GPR176: variants seen among roughly 807,000 people sequenced by gnomAD.
The protein encoded by GPR176 is G-protein coupled receptor 176.
In GPR176, 26 loss-of-function variants were observed where a neutral mutation model predicts 35.4. That is an observed-to-expected ratio of 0.74 (90% CI 0.54 to 1.02). The LOEUF (loss-of-function observed/expected upper bound fraction) is 1.02. Ranked by LOEUF, GPR176 falls within the 50% of genes least tolerant of loss-of-function variation. The probability of loss-of-function intolerance (pLI) is 0.00; values close to 1 mark genes in which losing one functional copy is unlikely to be tolerated. For missense variants in GPR176, 597 were observed against 665.3 expected, an observed-to-expected ratio of 0.90 and a Z score of 1.13; for synonymous variants, 278 against 271.3, an observed-to-expected ratio of 1.02 and a Z score of -0.24.
chr15:39,825,687 C>A (rs1265788831), intron 1 of GPR176, among the ~76,000 whole-genome samples: 4 of 151,960 alleles, frequency 2.6e-5, no homozygotes, highest in African/African-American at 7.3e-5. Context: ...GTTTTTATAT[C>A]TGTGATATTG....
chr15:39,806,697 T>A (rs137953053), intron 2 of GPR176, among the ~76,000 whole-genome samples: 2 of 152,270 alleles, frequency 1.3e-5, no homozygotes, highest in East Asian at 3.9e-4. Context: ...CTACTGCAAA[T>A]TGCAACACAA....
chr15:39,868,813 C>T (rs985793741), intron 1 of GPR176, among the ~76,000 whole-genome samples: 2 of 152,070 alleles, frequency 1.3e-5, no homozygotes, highest in African/African-American at 2.4e-5. Flanking sequence ...TGTGCCCATA[C>T]GAAGGGGCAG....
In GPR176 at chr15:39,799,800, G is replaced by C. The variant is rs975724531; in HGVS notation, c.*1332C>G. ...ATTCAACCTGGTGAAATCCACCCCA[G>C]AGGGGTCCCAAATTGCTTGTGAGGC... On this transcript the variant is annotated 3_prime_UTR_variant, in exon 3 of 3. Transcript: ENST00000561100. 23 of 152,288 alleles carry C rather than the reference G, an allele frequency of 1.5e-4. No individual in the cohort carries two copies. The highest frequency in any genetic ancestry group is 5.1e-4 in the African/African-American group (21 of 41,458). The allele number at this position is 152,288 out of a possible 1,614,324, so 9.4% of individuals were successfully genotyped here. A position where few individuals can be genotyped will look rare whatever the true frequency, so the allele number is the denominator to read the frequency against.
chr15:39,808,266 C>T (rs1268940586), intron 1 of GPR176, among the ~76,000 whole-genome samples: 1 of 152,174 alleles, frequency 6.6e-6, no homozygotes, highest in African/African-American at 2.4e-5. Context: ...CTCTCAATCC[C>T]CACCATGTTC....
intron 1 of GPR176, among the ~76,000 whole-genome samples, chr15:39,893,952 C>CA (rs2032984602): frequency 1.3e-5 from 1 of 79,322 alleles, no homozygotes; most frequent in Non-Finnish European, 2.5e-5. Flanking sequence ...GCTGGCCGGG[C>CA]GGGGGGCTGA....
chr15:39,854,071 C>A (rs905383213), intron 1 of GPR176, among the ~76,000 whole-genome samples: 8 of 151,956 alleles, frequency 5.3e-5, no homozygotes, highest in African/African-American at 1.9e-4. Context: ...CACCAGGAAA[C>A]TATTGAGGGA....
chr15:39,849,967 T>C (rs1456174874), intron 1 of GPR176, among the ~76,000 whole-genome samples: 1 of 73,034 alleles, frequency 1.4e-5, no homozygotes, highest in Non-Finnish European at 3.0e-5. Flanking sequence ...AGGATGTCAC[T>C]GTACTGAATA....
chr15:39,820,243 C>G (rs914812221), intron 1 of GPR176, among the ~76,000 whole-genome samples: 7 of 152,088 alleles, frequency 4.6e-5, no homozygotes, highest in African/African-American at 1.7e-4. Flanking sequence ...TAGCCAGATC[C>G]AGGACGAGGC....
chr15:39,835,781 A>G (rs896955983), intron 1 of GPR176, among the ~76,000 whole-genome samples: 1 of 152,142 alleles, frequency 6.6e-6, no homozygotes, highest in Non-Finnish European at 1.5e-5. Flanking sequence ...TATTCTGGAA[A>G]ACAATGTGTC....
chr15:39,847,010 A>G (rs2030477207), intron 1 of GPR176, among the ~76,000 whole-genome samples: 1 of 152,206 alleles, frequency 6.6e-6, no homozygotes, highest in Non-Finnish European at 1.5e-5. Context: ...AACTGGAAAG[A>G]GTAAAGGGAC....
At chr15:39,881,036 C>A (rs2032455130) in intron 1 of GPR176, among the ~76,000 whole-genome samples, 1 of 152,144 alleles carries the variant, frequency 6.6e-6, no homozygotes, top group South Asian at 2.1e-4. Context: ...GCTTCCTAAC[C>A]AGCCAGTTCC....
At chr15:39,913,773 G>A (rs911477252) in intron 1 of GPR176, among the ~76,000 whole-genome samples, 40 of 152,316 alleles carry the variant, frequency 2.6e-4, no homozygotes, top group African/African-American at 9.6e-4. Flanking sequence ...TTGGCCGGGC[G>A]CGGTGGCTCA....
In GPR176 at chr15:39,899,664, T is replaced by C. The variant is rs113226332; in HGVS notation, c.172+20191A>G. On this transcript the variant is annotated intron_variant, in intron 1 of 2. Coordinates refer to ENST00000561100, the MANE Select transcript of GPR176 (RefSeq NM_007223.3). ...AGTAGTCACTAGGAGCCAGCTTGGA[T>C]ACACTAGAATAAATCATGTAGATGT... Among the ~76,000 whole-genome samples, 1,375 of 152,328 alleles carry C rather than the reference T, an allele frequency of 9.0e-3. 23 individuals are homozygous for C. Among genetic ancestry groups the C allele is most frequent in the African/African-American group, 0.031 (1,303 of 41,562 alleles).
At chr15:39,860,455 G>A (rs1034243741) in intron 1 of GPR176, among the ~76,000 whole-genome samples, 1 of 152,202 alleles carries the variant, frequency 6.6e-6, no homozygotes, top group African/African-American at 2.4e-5. Flanking sequence ...GGAGTTCAAT[G>A]GCCTTCTTGC....
chr15:39,893,519 G>A (rs1383019457), intron 1 of GPR176, among the ~76,000 whole-genome samples: 17 of 152,222 alleles, frequency 1.1e-4, no homozygotes, highest in Non-Finnish European at 7.4e-5. Context: ...ACACAGACAC[G>A]GCAACCATCC....
intron 1 of GPR176, among the ~76,000 whole-genome samples, chr15:39,861,595 G>T (rs1377232085): frequency 6.6e-6 from 1 of 151,640 alleles, no homozygotes; most frequent in Non-Finnish European, 1.5e-5. Flanking sequence ...CTAAGAAATT[G>T]TATCTTTAAC....
intron 1 of GPR176, among the ~76,000 whole-genome samples, chr15:39,845,438 G>C (rs183861123): frequency 9.8e-4 from 149 of 151,718 alleles, no homozygotes; most frequent in African/African-American, 3.6e-3. Flanking sequence ...GTGATAAGAA[G>C]AGATAAAGAA....
At chr15:39,901,207 G>C (rs1400377686) in intron 1 of GPR176, among the ~76,000 whole-genome samples, 1 of 151,646 alleles carries the variant, frequency 6.6e-6, no homozygotes, top group African/African-American at 2.4e-5. Flanking sequence ...TTAATAACAA[G>C]ATGTACCCAA....
intron 1 of GPR176, among the ~76,000 whole-genome samples, chr15:39,902,980 A>G (rs983721506): frequency 6.6e-6 from 1 of 152,214 alleles, no homozygotes; most frequent in African/African-American, 2.4e-5. Context: ...CAATTTTTCA[A>G]CTTTACCATG....
Sources: allele counts gnomAD v4.1 joint callset (sites outside exome capture counted in the v4.1 genomes callset), GRCh38; gene constraint gnomAD v4.1.1; transcripts MANE v1.5; gene names NCBI Gene and HGNC (gene_info 2026-07-23, HGNC 2026-07-21).